The following IPCEF1 variants were observed in gnomAD, a reference collection of about 807,000 sequenced individuals.
The protein encoded by IPCEF1 is interactor protein for cytohesin exchange factors 1.
IPCEF1 carries 31 observed loss-of-function variants against 50.9 expected under a neutral mutation model. That is an observed-to-expected ratio of 0.61 (90% confidence interval 0.46 to 0.82). The LOEUF (loss-of-function observed/expected upper bound fraction) is 0.82. Ranked by LOEUF, IPCEF1 falls within the 40% of genes least tolerant of loss-of-function variation. The probability of loss-of-function intolerance (pLI) is 0.00; values close to 1 mark genes in which losing one functional copy is unlikely to be tolerated. For missense variants in IPCEF1, 458 were observed against 514.0 expected (o/e 0.89, Z 1.05); for synonymous variants, 181 against 192.0 (o/e 0.94, Z 0.47).
chr6:154,221,538 G>T (rs910227702), intron 6 of IPCEF1, among the ~76,000 whole-genome samples: 1 of 152,170 alleles, frequency 6.6e-6, no homozygotes, highest in Non-Finnish European at 1.5e-5. Context: ...AGAACGTCCA[G>T]AACAGGGCTG....
intron 9 of IPCEF1, among the ~76,000 whole-genome samples, chr6:154,209,426 G>T (rs1212629500): frequency 6.6e-6 from 1 of 151,972 alleles, no homozygotes; most frequent in Non-Finnish European, 1.5e-5. Context: ...CAAGGTGAGT[G>T]CATCACTTGA....
chr6:154,315,955 G>C (rs145863422), intron 1 of IPCEF1, among the ~76,000 whole-genome samples: 8,964 of 152,056 alleles, frequency 0.059, 905 homozygotes, highest in African/African-American at 0.2. Flanking sequence ...CGCCTCCCAG[G>C]TTCAAGTTAT....
intron 4 of IPCEF1, chr6:154,247,108 C>A (rs541264838): frequency 7.7e-6 from 3 of 389,468 alleles, no homozygotes; most frequent in Admixed American, 4.1e-5. Context: ...GTAAGGCTGG[C>A]GGGCATATCA....
chr6:154,214,757 T>C (rs1262603572), intron 7 of IPCEF1, among the ~76,000 whole-genome samples: 2 of 152,232 alleles, frequency 1.3e-5, no homozygotes, highest in African/African-American at 4.8e-5. Context: ...AAAATCTGGC[T>C]AGAATTTAAC....
chr6:154,184,995 A>C (rs2128573128), intron 10 of IPCEF1, among the ~76,000 whole-genome samples: 1 of 152,370 alleles, frequency 6.6e-6, no homozygotes, highest in South Asian at 2.1e-4. Context: ...GCCTGTCTGC[A>C]TATAGCCCTT....
chr6:154,245,176 G>C (rs185181023), intron 5 of IPCEF1, among the ~76,000 whole-genome samples: 15 of 152,192 alleles, frequency 9.9e-5, no homozygotes, highest in Admixed American at 6.5e-4. Flanking sequence ...TTCAGGAGGG[G>C]AGAAGAAAAG....
Position 154,159,749 on chromosome 6 carries a change from A to G in IPCEF1, c.*79T>C, listed in dbSNP as rs563647492. 21 of 1,151,890 alleles carry G rather than the reference A, an allele frequency of 1.8e-5. No homozygotes were observed. The South Asian group carries it at 2.8e-4, about 15-fold the overall frequency. 71.4% of individuals were successfully genotyped at this position (1,151,890 alleles called of 1,614,324 possible). A position where few individuals can be genotyped will look rare whatever the true frequency, so the allele number is the denominator to read the frequency against. ...AGGACTGGGTTTCAGTTTTCCTTTTAAGGAAAAATGTAAGCTTTTGCAACA... is the reference window on the plus strand; with the variant it reads ...AGGACTGGGTTTCAGTTTTCCTTTTGAGGAAAAATGTAAGCTTTTGCAACA... On this transcript the variant is annotated 3_prime_UTR_variant, in exon 12 of 12. Transcript: ENST00000367220.
At chr6:154,182,059 A>G (rs1800930517) in intron 10 of IPCEF1, among the ~76,000 whole-genome samples, 1 of 152,198 alleles carries the variant, frequency 6.6e-6, no homozygotes, top group African/African-American at 2.4e-5. Flanking sequence ...AAATTAAATT[A>G]AAATTTTTAA....
chr6:154,334,303 A>G (rs775231353), intron 1 of IPCEF1, among the ~76,000 whole-genome samples: 24 of 152,306 alleles, frequency 1.6e-4, no homozygotes, highest in Middle Eastern at 3.4e-3. Context: ...GTGAACAGTT[A>G]TCACTAACAA....
At chr6:154,229,345 G>A (rs897239917) in intron 5 of IPCEF1, among the ~76,000 whole-genome samples, 2 of 135,076 alleles carry the variant, frequency 1.5e-5, no homozygotes, top group South Asian at 2.6e-4. Flanking sequence ...AAAGTTTGCC[G>A]GTTTTTTTTT....
intron 1 of IPCEF1, among the ~76,000 whole-genome samples, chr6:154,325,817 A>G (rs1437585738): frequency 6.6e-6 from 1 of 152,232 alleles, no homozygotes; most frequent in Non-Finnish European, 1.5e-5. Flanking sequence ...CTAGAAACAC[A>G]TTCTTTAGAA....
At chr6:154,343,450 A>G (rs1783961045) in intron 1 of IPCEF1, among the ~76,000 whole-genome samples, 1 of 152,188 alleles carries the variant, frequency 6.6e-6, no homozygotes. Flanking sequence ...TATTAGGTGC[A>G]ATACAAGTGT....
intron 1 of IPCEF1, among the ~76,000 whole-genome samples, chr6:154,344,328 C>T (rs1783982352): frequency 6.6e-6 from 1 of 152,248 alleles, no homozygotes; most frequent in South Asian, 2.1e-4. Context: ...ATGACTACTT[C>T]ACTGTCCTTT....
At chr6:154,346,761 C>A (rs1309830478) in intron 1 of IPCEF1, among the ~76,000 whole-genome samples, 1 of 152,166 alleles carries the variant, frequency 6.6e-6, no homozygotes, top group African/African-American at 2.4e-5. Context: ...TGAGAACTCA[C>A]TCACTATCAT....
chr6:154,277,590 A>G (rs1456532334), intron 2 of IPCEF1, among the ~76,000 whole-genome samples: 1 of 152,352 alleles, frequency 6.6e-6, no homozygotes, highest in African/African-American at 2.4e-5. Context: ...TAAGTTTTCA[A>G]AAAGAAAATG....
chr6:154,178,278 T>G (rs1800529840), intron 10 of IPCEF1, among the ~76,000 whole-genome samples: 1 of 152,132 alleles, frequency 6.6e-6, no homozygotes, highest in African/African-American at 2.4e-5. Context: ...TCCTAGAACT[T>G]AAAGTATAAT....
intron 1 of IPCEF1, among the ~76,000 whole-genome samples, chr6:154,318,704 C>A (rs1783291692): frequency 1.8e-5 from 2 of 111,340 alleles, no homozygotes; most frequent in South Asian, 3.5e-4. Flanking sequence ...CAGAGTGAGA[C>A]CCTGTCTCAA....
chr6:154,211,251 C>T (rs1209278125), intron 9 of IPCEF1, among the ~76,000 whole-genome samples: 3 of 152,096 alleles, frequency 2.0e-5, no homozygotes, highest in South Asian at 2.1e-4. Flanking sequence ...CCCGTCTCTA[C>T]TAAAAATACA....
At chr6:154,203,622 T>G (rs1777248615) in intron 9 of IPCEF1, among the ~76,000 whole-genome samples, 1 of 152,118 alleles carries the variant, frequency 6.6e-6, no homozygotes, top group Non-Finnish European at 1.5e-5. Flanking sequence ...ATGCACAGAC[T>G]TTGGTCTCCA....
Sources: allele counts gnomAD v4.1 joint callset (sites outside exome capture counted in the v4.1 genomes callset), GRCh38; gene constraint gnomAD v4.1.1; transcripts MANE v1.5; gene names NCBI Gene and HGNC (gene_info 2026-07-23, HGNC 2026-07-21).